POP1: variants seen among roughly 807,000 people sequenced by gnomAD.
POP1 encodes ribonucleases P/MRP protein subunit POP1.
Under a neutral mutation model 102.2 loss-of-function variants are expected in POP1, and 75 were observed. The ratio of observed to expected loss-of-function variants is 0.73; its 90% confidence interval spans 0.61 to 0.89. The LOEUF (loss-of-function observed/expected upper bound fraction) is 0.89, where lower values mean the gene tolerates loss of function less well. POP1 is among the 40% of genes least tolerant of loss of function. The pLI is 0.00. For synonymous variants in POP1, 436 were observed against 464.1 expected, an observed-to-expected ratio of 0.94 and a Z score of 0.78; for missense variants, 1,116 against 1,267.4, an observed-to-expected ratio of 0.88 and a Z score of 1.81.
intron 2 of POP1, among the ~76,000 whole-genome samples, chr8:98,125,119 A>G (rs778489081): frequency 3.9e-5 from 6 of 151,918 alleles, no homozygotes; most frequent in Non-Finnish European, 7.4e-5. Flanking sequence ...TAACACCACA[A>G]TTGAAATAAG....
intron 11 of POP1, among the ~76,000 whole-genome samples, chr8:98,145,498 T>C (rs1816818636): frequency 6.6e-6 from 1 of 152,196 alleles, no homozygotes; most frequent in Non-Finnish European, 1.5e-5. Flanking sequence ...CTTCTATCAA[T>C]ATAGAAGTTT....
chr8:98,122,133 T>A (rs1297207797), intron 1 of POP1, among the ~76,000 whole-genome samples: 1 of 152,322 alleles, frequency 6.6e-6, no homozygotes, highest in East Asian at 1.9e-4. Flanking sequence ...CTGGCCTGGT[T>A]ACACCGTTTT....
At chr8:98,120,747 C>T (rs1815992009) in intron 1 of POP1, among the ~76,000 whole-genome samples, 1 of 151,606 alleles carries the variant, frequency 6.6e-6, no homozygotes, top group South Asian at 2.1e-4. Flanking sequence ...ACCGGGTTCA[C>T]GCCATTCTCC....
Position 98,148,998 on chromosome 8 carries a change from A to G in POP1, c.1894A>G (p.Ile632Val). ...LPKGWGMAFW[I>V]PFIYRGVRVG... ...AAAGGGCTGGGGCATGGCTTTCTGG[A>G]TTCCATTTGTAAGTTACTTTTTGAT... The change falls in exon 13 of 16, where the codon ATT becomes GTT. Residue 632 changes from isoleucine to valine, a missense_variant. Coordinates refer to ENST00000401707, the MANE Select transcript of POP1 (RefSeq NM_001145860.2). The G allele has an allele frequency of 6.2e-7, 1 of 1,612,238 alleles. No homozygotes were observed. The highest frequency in any genetic ancestry group is 8.5e-7 in the Non-Finnish European group (1 of 1,178,858).
chr8:98,152,023 C>T (rs1312841583), intron 14 of POP1, among the ~76,000 whole-genome samples: 1 of 152,042 alleles, frequency 6.6e-6, no homozygotes, highest in East Asian at 1.9e-4. Flanking sequence ...TGTGAGCCAC[C>T]CTGCCTGGCC....
In POP1 at chr8:98,132,335, G is replaced by T. The variant is rs761623305; in HGVS notation, c.736-1614G>T. Among the ~76,000 whole-genome samples, 136 of 152,170 alleles carry T rather than the reference G, an allele frequency of 8.9e-4. 2 individuals are homozygous for T. The highest frequency in any genetic ancestry group is 2.5e-4 in the Non-Finnish European group (17 of 68,034). ...GTGTTGAGGTTCAGATTTGAGCCCAGTTGCCTGACTCCAGGGTTCCACACT... is the reference window on the plus strand; with the variant it reads ...GTGTTGAGGTTCAGATTTGAGCCCATTTGCCTGACTCCAGGGTTCCACACT... On this transcript the variant is annotated intron_variant, in intron 5 of 15. Transcript: ENST00000401707.
intron 8 of POP1, 57 bp from the exon 9 acceptor site, chr8:98,136,804 G>T: frequency 6.2e-7 from 1 of 1,607,752 alleles, no homozygotes; most frequent in South Asian, 1.1e-5. Flanking sequence ...ATTTTTGTCA[G>T]TGGCACAGAT....
Position 98,128,978 on chromosome 8 carries a change from A to G in POP1, c.486+438A>G, listed in dbSNP as rs146013790. ...CTTATGGTTTTTGTTTTTGTTTTGCATATATTTGATTTAATCATTATCCAA... is the reference window on the plus strand; with the variant it reads ...CTTATGGTTTTTGTTTTTGTTTTGCGTATATTTGATTTAATCATTATCCAA... On this transcript the variant is annotated intron_variant, in intron 4 of 15. Coordinates refer to ENST00000401707, the MANE Select transcript of POP1 (RefSeq NM_001145860.2). Among the ~76,000 whole-genome samples the G allele has an allele frequency of 1.5e-3, 235 of 152,024 alleles. 6 individuals carry two copies. In the East Asian group the frequency reaches 0.041, roughly 26 times the overall value.
At chr8:98,128,645 A>T in intron 4 of POP1, 105 bp downstream of exon 4, 1 of 1,300,390 alleles carries the variant, frequency 7.7e-7, no homozygotes, top group Non-Finnish European at 1.1e-6. Context: ...AAGGCTGGGC[A>T]TGGTGGCTCA....
At chr8:98,156,573 AG>A (rs1395436326) in intron 15 of POP1, among the ~76,000 whole-genome samples, 161 bp downstream of exon 15, 1 of 152,232 alleles carries the variant, frequency 6.6e-6, no homozygotes, top group Non-Finnish European at 1.5e-5. Flanking sequence ...TAGAGGGCTC[AG>A]GGAAACAGCT....
Position 98,157,809 on chromosome 8 carries a change from TC to T in POP1, c.2614del (p.His872ThrfsTer3). 1 of 1,614,196 alleles carries T rather than the reference TC, an allele frequency of 6.2e-7. No individual in the cohort carries two copies. The highest frequency in any genetic ancestry group is 8.5e-7 in the Non-Finnish European group (1 of 1,180,034). ...SLLSKGSPEP[H>X]TMICVPAKED... ...TGCTCAGCAAGGGCAGCCCCGAGCC[TC>T]ACACCATGATCTGTGTCCCAGCCAA... On this transcript the variant is annotated frameshift_variant, in exon 16 of 16. Transcript: ENST00000401707. LOFTEE classifies it low-confidence loss of function (END_TRUNC).
intron 13 of POP1, 65 bp downstream of exon 13, chr8:98,149,071 C>A: frequency 7.0e-7 from 1 of 1,436,274 alleles, no homozygotes; most frequent in Non-Finnish European, 9.6e-7. Flanking sequence ...ATGCTAAGTA[C>A]TCAAAATGTT....
chr8:98,152,520 G>A (rs1263610794), intron 14 of POP1, among the ~76,000 whole-genome samples: 1 of 152,200 alleles, frequency 6.6e-6, no homozygotes, highest in African/African-American at 2.4e-5. Context: ...AACGAGCACG[G>A]CTGTGTTCCA....
chr8:98,127,223 CG>C (rs1816230842), intron 2 of POP1, among the ~76,000 whole-genome samples: 1 of 151,996 alleles, frequency 6.6e-6, no homozygotes, highest in South Asian at 2.1e-4. Flanking sequence ...ACCATCACCT[CG>C]GGGGTTAGGA....
At position 98,140,785 on chromosome 8, in the gene POP1, A is replaced by G. The variant is rs747588517; in HGVS notation, c.1491A>G (p.Ala497=). The G allele has an allele frequency of 3.1e-6, 5 of 1,613,932 alleles. No homozygotes were observed. Among genetic ancestry groups the G allele is most frequent in the Non-Finnish European group, 8.5e-7 (1 of 1,179,884 alleles). ...FELLGGITSP[A]EIPAGTILGL... is the part of the protein sequence containing the mutation. ...TTGTTAAAGGAATAACATCACCAGC[A>G]GAAATTCCGGCAGGTACTATTCTGG... Residue 497 remains alanine (A), a synonymous_variant, in exon 11 of 16, where the codon GCA becomes GCG. Coordinates refer to ENST00000401707, the MANE Select transcript of POP1 (RefSeq NM_001145860.2).
chr8:98,141,135 T>C (rs1029174489), intron 11 of POP1, among the ~76,000 whole-genome samples: 8 of 151,836 alleles, frequency 5.3e-5, no homozygotes, highest in African/African-American at 1.9e-4. Flanking sequence ...TCTCTTTTTT[T>C]AGTATCTAGT....
intron 5 of POP1, 60 bp downstream of exon 5, chr8:98,130,286 T>A: frequency 6.2e-7 from 1 of 1,601,092 alleles, no homozygotes; most frequent in East Asian, 2.2e-5. Flanking sequence ...CATAGAGGCC[T>A]TTAGAATAGT....
At chr8:98,142,301 T>TC (rs1455480784) in intron 11 of POP1, among the ~76,000 whole-genome samples, 14 of 151,744 alleles carry the variant, frequency 9.2e-5, no homozygotes, top group African/African-American at 3.4e-4. Context: ...AAGCAATCCT[T>TC]CTGCCTCGGC....
chr8:98,118,736 C>A (rs926544742), intron 1 of POP1, among the ~76,000 whole-genome samples: 1 of 151,838 alleles, frequency 6.6e-6, no homozygotes, highest in South Asian at 2.1e-4. Context: ...CATTTTTTTT[C>A]TTTCCCTTGT....
Sources: gnomAD v4.1 joint callset for allele counts (sites outside exome capture counted in the v4.1 genomes callset) on GRCh38, gnomAD v4.1.1 for gene constraint, MANE v1.5 for transcripts, NCBI Gene and HGNC (gene_info 2026-07-23, HGNC 2026-07-21) for gene names.